GMPR: variants seen among roughly 807,000 people sequenced by gnomAD.
GMPR encodes guanosine monophosphate reductase, also known as GMP reductase 1.
GMPR carries 31 observed loss-of-function variants against 38.4 expected under a neutral mutation model. The ratio of observed to expected loss-of-function variants is 0.81; its 90% CI spans 0.61 to 1.09. The LOEUF is 1.09. GMPR is among the 50% of genes least tolerant of loss of function. The pLI is 0.00. For missense variants in GMPR, 468 were observed against 453.7 expected (o/e 1.03, Z -0.29); for synonymous variants, 162 against 173.3 (o/e 0.93, Z 0.51).
intron 3 of GMPR, among the ~76,000 whole-genome samples, chr6:16,250,965 C>T (rs1758861710): frequency 6.6e-6 from 1 of 152,082 alleles, no homozygotes; most frequent in Admixed American, 6.5e-5. Context: ...GGTGCAGCTG[C>T]TTTGGAAAAC....
intron 4 of GMPR, among the ~76,000 whole-genome samples, chr6:16,265,929 C>T (rs1226527431): frequency 6.6e-6 from 1 of 152,178 alleles, no homozygotes; most frequent in African/African-American, 2.4e-5. Context: ...CTCCTGAAGT[C>T]AGTGAGACCA....
chr6:16,249,461 C>T (rs1007295939), intron 2 of GMPR, among the ~76,000 whole-genome samples: 5 of 152,082 alleles, frequency 3.3e-5, no homozygotes, highest in African/African-American at 4.8e-5. Context: ...TGTGCCACCA[C>T]GCTTAGCAAA....
In GMPR at chr6:16,290,576, C is replaced by T. The variant is rs1759821904; in HGVS notation, c.812C>T (p.Ser271Phe). 2.5e-6 allele frequency: 4 copies of T among 1,614,034 alleles called. No individual in the cohort carries two copies. Among genetic ancestry groups the T allele is most frequent in the African/African-American group, 2.7e-5 (2 of 74,918 alleles). The change falls in exon 8 of 9, where the codon TCT becomes TTT. Residue 271 changes from serine (S) to phenylalanine (F), a missense_variant. Transcript: ENST00000259727. The stretch of plus-strand genomic sequence containing the variant: ...CTCAAGCTCTTCTACGGGATGAGCT[C>T]TGACACCGCCATGAACAAGCACGCA... The part of the protein sequence containing the change: ...RKLKLFYGMS[S>F]DTAMNKHAGG...
chr6:16,248,343 A>G (rs751232545), intron 2 of GMPR, among the ~76,000 whole-genome samples: 1 of 151,732 alleles, frequency 6.6e-6, no homozygotes, highest in Admixed American at 6.6e-5. Context: ...CGCTTTGGGA[A>G]AAATAAAGGA....
At chr6:16,244,090 T>G (rs1415051911) in intron 1 of GMPR, among the ~76,000 whole-genome samples, 1 of 151,188 alleles carries the variant, frequency 6.6e-6, no homozygotes, top group Non-Finnish European at 1.5e-5. Context: ...TGGTTGTGAA[T>G]GAAATTGCTT....
chr6:16,254,729 C>T lies in GMPR; in HGVS notation c.459C>T (p.Thr153=), dbSNP rs539709260. ...TCCGTGCCAAATTTCCTGAACACAC[C>T]ATTATGGTAAGTACGGTAGAACATT... is the stretch of plus-strand genomic sequence containing the variant. ...KLVRAKFPEH[T]IMAGNVVTGE... is the part of the protein sequence containing the mutation. The change falls in exon 4 of 9, where the codon ACC becomes ACT. Residue 153 remains threonine (T), a synonymous_variant. Coordinates refer to ENST00000259727, the MANE Select transcript of GMPR (RefSeq NM_006877.4). The T allele has an allele frequency of 6.2e-7, 1 of 1,610,262 alleles. No individual in the cohort carries two copies. Among genetic ancestry groups the T allele is most frequent in the African/African-American group, 1.3e-5 (1 of 74,826 alleles).
intron 6 of GMPR, 24 bp downstream of exon 6, chr6:16,278,914 G>A: frequency 1.3e-6 from 2 of 1,484,822 alleles, no homozygotes; most frequent in Non-Finnish European, 1.9e-6. Context: ...CGGGGCTGAG[G>A]CTGGGGTGTC....
At chr6:16,264,369 G>C in intron 4 of GMPR, 1 of 253,618 alleles carries the variant, frequency 3.9e-6, no homozygotes, top group South Asian at 4.1e-5. Flanking sequence ...GATGTTTCTT[G>C]GGCTGGTCGG....
intron 6 of GMPR, among the ~76,000 whole-genome samples, chr6:16,279,212 A>G (rs1359765666): frequency 1.3e-5 from 2 of 152,136 alleles, no homozygotes; most frequent in African/African-American, 2.4e-5. Flanking sequence ...GGGGGCTTCA[A>G]TTTCAGTGTC....
Position 16,254,892 on chromosome 6 carries a change from G to A in GMPR, c.465+157G>A, listed in dbSNP as rs962518336. On this transcript the variant is annotated intron_variant, in intron 4 of 8. Coordinates refer to ENST00000259727, the MANE Select transcript of GMPR (RefSeq NM_006877.4). ...ATCATTTGGGAAAGGATAGGTAGCCGCTGCGGAAGATCTGAAAACTAGCTT... is the reference window on the plus strand; with the variant it reads ...ATCATTTGGGAAAGGATAGGTAGCCACTGCGGAAGATCTGAAAACTAGCTT... 4.6e-5 allele frequency among the ~76,000 whole-genome samples: 7 copies of A among 152,110 alleles called. No homozygotes were observed. The South Asian group carries it at 1.0e-3, about 23-fold the overall frequency.
At chr6:16,250,973 A>G (rs1422345159) in intron 3 of GMPR, among the ~76,000 whole-genome samples, 1 of 152,176 alleles carries the variant, frequency 6.6e-6, no homozygotes, top group Non-Finnish European at 1.5e-5. Context: ...TGCTTTGGAA[A>G]ACAGTTGTCA....
rs745734586 is a variant in GMPR at position 16,246,972 on chromosome 6, A to G, written c.207+11A>G. 8 of 1,611,724 alleles carry G rather than the reference A, an allele frequency of 5.0e-6. No individual in the cohort carries two copies. The highest frequency in any genetic ancestry group is 6.8e-6 in the Non-Finnish European group (8 of 1,179,330). On this transcript the variant is annotated intron_variant, in intron 2 of 8. Coordinates refer to ENST00000259727, the MANE Select transcript of GMPR (RefSeq NM_006877.4). ...GCCGTGATGTCACAGGTGAGGCGGT[A>G]GGCTTTTGTTTTTTCCCTTTGCTGC...
chr6:16,278,344 G>C (rs1759514933), intron 5 of GMPR, among the ~76,000 whole-genome samples: 1 of 152,194 alleles, frequency 6.6e-6, no homozygotes, highest in Non-Finnish European at 1.5e-5. Flanking sequence ...AGAGAGGTGA[G>C]TCATTTGACA....
At chr6:16,247,586 G>A (rs1360896665) in intron 2 of GMPR, among the ~76,000 whole-genome samples, 1 of 152,188 alleles carries the variant, frequency 6.6e-6, no homozygotes, top group Admixed American at 6.5e-5. Context: ...TGTTGGCCAA[G>A]CTGGCCTTGA....
intron 4 of GMPR, chr6:16,262,995 G>A: frequency 6.6e-6 from 1 of 152,166 alleles, no homozygotes; most frequent in Non-Finnish European, 1.5e-5. Context: ...TTATAGGGTG[G>A]AGGAGCGGAG....
chr6:16,257,735 G>C (rs1251831990), intron 4 of GMPR, among the ~76,000 whole-genome samples: 1 of 152,310 alleles, frequency 6.6e-6, no homozygotes, highest in East Asian at 1.9e-4. Flanking sequence ...CTCATAGGTG[G>C]TGCTTTCTTG....
chr6:16,253,738 T>G (rs745517557), intron 3 of GMPR, among the ~76,000 whole-genome samples: 14 of 152,146 alleles, frequency 9.2e-5, no homozygotes, highest in Non-Finnish European at 1.6e-4. Context: ...TCAGAGGCAT[T>G]TCAGATATCA....
At chr6:16,265,640 C>CGCTGTGTCT (rs1159769663) in intron 4 of GMPR, among the ~76,000 whole-genome samples, 31 of 145,222 alleles carry the variant, frequency 2.1e-4, no homozygotes, top group Admixed American at 9.7e-4. Context: ...GCTAAAGCAG[C>CGCTGTGTCT]ACTGTGTCTA....
intron 5 of GMPR, among the ~76,000 whole-genome samples, chr6:16,275,833 G>A (rs1341177072): frequency 6.6e-6 from 1 of 152,170 alleles, no homozygotes; most frequent in African/African-American, 2.4e-5. Flanking sequence ...CAAGGTGGGT[G>A]GATCGCTTGA....
Sources: allele counts gnomAD v4.1 joint callset (sites outside exome capture counted in the v4.1 genomes callset), GRCh38; gene constraint gnomAD v4.1.1; transcripts MANE v1.5; gene names NCBI Gene and HGNC (gene_info 2026-07-23, HGNC 2026-07-21).